Variants in ZSCAN18 observed in about 807,000 individuals in gnomAD.
ZSCAN18 encodes the protein zinc finger and SCAN domain-containing protein 18.
A neutral mutation model predicts 31.1 loss-of-function variants in ZSCAN18; 16 were observed. That is an observed-to-expected ratio of 0.51 (90% CI 0.35 to 0.78). ZSCAN18 has a LOEUF of 0.78. Among genes scored for constraint, ZSCAN18 ranks in the 30% least tolerant of loss-of-function variants. The pLI is 0.01. For synonymous variants in ZSCAN18, 375 were observed against 320.7 expected, an observed-to-expected ratio of 1.17 and a Z score of -1.81; for missense variants, 731 against 697.4, an observed-to-expected ratio of 1.05 and a Z score of -0.54.
intron 1 of ZSCAN18, chr19:58,107,794 C>G: frequency 1.0e-6 from 1 of 992,884 alleles, no homozygotes; most frequent in Non-Finnish European, 1.2e-6. Flanking sequence ...TGGTTTCTAG[C>G]GAGAGCACAG....
intron 1 of ZSCAN18, 107 bp downstream of exon 1, chr19:58,098,067 G>C (rs1474216790): frequency 9.1e-6 from 9 of 985,450 alleles, no homozygotes; most frequent in Non-Finnish European, 9.6e-6. Flanking sequence ...CCAACCCCGG[G>C]AACACCCTGG....
chr19:58,099,964 G>GTT (rs55769261), upstream of ZSCAN18, among the ~76,000 whole-genome samples: 22,782 of 135,894 alleles, frequency 0.17, 2,228 homozygotes, highest in Admixed American at 0.21. Context: ...TGAAAGCTAT[G>GTT]TTTTTTTTTT....
intron 1 of ZSCAN18, among the ~76,000 whole-genome samples, chr19:58,114,085 T>C (rs1252376698): frequency 6.6e-6 from 1 of 151,822 alleles, no homozygotes; most frequent in African/African-American, 2.4e-5. Context: ...CTGGCCAACA[T>C]AGTGAAACCC....
At chr19:58,114,568 C>T in intron 1 of ZSCAN18, among the ~76,000 whole-genome samples, 1 of 152,018 alleles carries the variant, frequency 6.6e-6, no homozygotes. Context: ...AATATATACA[C>T]AATATACACA....
chr19:58,101,850 T>A (rs187011586), upstream of ZSCAN18, among the ~76,000 whole-genome samples: 1 of 151,826 alleles, frequency 6.6e-6, no homozygotes, highest in Admixed American at 6.6e-5. Flanking sequence ...TGAGACAGAA[T>A]CTCACTCCTA....
chr19:58,118,133 C>T (rs556535584), intron 1 of ZSCAN18: 12 of 428,988 alleles, frequency 2.8e-5, no homozygotes, highest in African/African-American at 2.3e-4. Flanking sequence ...TCACGCCCGC[C>T]CCGCCGGGAA....
chr19:58,085,770 G>C (rs1038005435), intron 6 of ZSCAN18: 1 of 316,946 alleles, frequency 3.2e-6, no homozygotes, highest in Non-Finnish European at 5.8e-6. Flanking sequence ...CCAGCGAAGA[G>C]AGTGGGGTCA....
intron 3 of ZSCAN18, 34 bp downstream of exon 3, chr19:58,088,654 C>G: frequency 6.3e-7 from 1 of 1,598,456 alleles, no homozygotes; most frequent in Non-Finnish European, 8.5e-7. Context: ...CACCTAAGGC[C>G]CAGCAGAGGC....
upstream of ZSCAN18, among the ~76,000 whole-genome samples, chr19:58,100,691 A>G (rs2074585582): frequency 2.0e-5 from 1 of 50,454 alleles, no homozygotes. Flanking sequence ...GCGGATCACG[A>G]GGTCAACATG....
chr19:58,089,630 T>C (rs2074369698), intron 2 of ZSCAN18, among the ~76,000 whole-genome samples: 1 of 151,790 alleles, frequency 6.6e-6, no homozygotes, highest in African/African-American at 2.4e-5. Context: ...GTCTCAAAAA[T>C]AAATAAATAA....
Position 58,090,543 on chromosome 19 carries a change from G to A in ZSCAN18, c.-119-157C>T, listed in dbSNP as rs1037946893. ...AGAACCTCAGTGTTGTACTCATGTA[G>A]ATAAAAAGTAGCATGTAAATGGAGG... is the stretch of plus-strand genomic sequence containing the variant. On this transcript the variant is annotated intron_variant, in intron 1 of 6. Coordinates refer to ENST00000601144, the MANE Select transcript of ZSCAN18 (RefSeq NM_001145543.2). This position sits in a 1 kb window ranked among gnomAD's most constrained non-coding sequence, Gnocchi z 4.7. 5.0e-6 allele frequency: 3 copies of A among 601,656 alleles called. No individual in the cohort carries two copies. Among genetic ancestry groups the A allele is most frequent in the African/African-American group, 1.9e-5 (1 of 53,728 alleles). The allele number at this position is 601,656 out of a possible 1,614,324, so 37.3% of individuals were successfully genotyped here. A position where few individuals can be genotyped will look rare whatever the true frequency, so the allele number is the denominator to read the frequency against.
At chr19:58,098,499 G>A (rs1308757240), upstream of ZSCAN18, 3 of 571,254 alleles carry the variant, frequency 5.3e-6, no homozygotes, top group African/African-American at 4.1e-5. Context: ...GTGAGAAACG[G>A]AGAAACAAAG....
At position 58,085,051 on chromosome 19, in the gene ZSCAN18, G is replaced by T. The variant is rs760366469; in HGVS notation, c.1167C>A (p.Gly389=). 5.6e-6 allele frequency: 9 copies of T among 1,597,448 alleles called. No individual in the cohort carries two copies. Among genetic ancestry groups the T allele is most frequent in the African/African-American group, 2.7e-5 (2 of 74,466 alleles). ...GCCCGGCCTCCAGCCCTGCGCTGTCGCCGGAGCTAGAGACGCCCTCGAGGC... is the reference window on the plus strand; with the variant it reads ...GCCCGGCCTCCAGCCCTGCGCTGTCTCCGGAGCTAGAGACGCCCTCGAGGC... ...GQSLEGVSSS[G]DSAGLEAGQG... The change falls in exon 7 of 7, where the codon GGC becomes GGA. Residue 389 remains glycine (G), a synonymous_variant. Transcript: ENST00000601144.
chr19:58,117,713 C>A (rs1284191716), intron 1 of ZSCAN18, among the ~76,000 whole-genome samples: 1 of 80,844 alleles, frequency 1.2e-5, no homozygotes, highest in African/African-American at 3.8e-5. Context: ...CCATCTGTGC[C>A]CGCAGGAAAA....
chr19:58,095,010 T>C (rs2074493814), intron 1 of ZSCAN18, among the ~76,000 whole-genome samples: 1 of 152,118 alleles, frequency 6.6e-6, no homozygotes, highest in Non-Finnish European at 1.5e-5. Context: ...TGAGCTATGT[T>C]TGTGCCACTG....
At chr19:58,095,862 G>A (rs73941506) in intron 1 of ZSCAN18, among the ~76,000 whole-genome samples, 1,713 of 152,278 alleles carry the variant, frequency 0.011, 42 homozygotes, top group African/African-American at 0.038. Context: ...AAGCTTCCAT[G>A]GAACCAGGGG....
At position 58,085,138 on chromosome 19, in the gene ZSCAN18, C is replaced by T. The variant is rs139950426; in HGVS notation, c.1080G>A (p.Pro360=). The T allele has an allele frequency of 9.3e-5, 150 of 1,610,120 alleles. 1 individual carries two copies. Among genetic ancestry groups the T allele is most frequent in the South Asian group, 7.1e-4 (64 of 90,754 alleles). ...QRQSVIQQPA[P]DRGTAKLGTK... ...TTCCCAGTTTCGCCGTGCCCCTGTC[C>T]GGGGCAGGCTGCTGGATGACGGACT... The change falls in exon 7 of 7, where the codon CCG becomes CCA. Residue 360 remains proline, a synonymous_variant. Coordinates refer to ENST00000601144, the MANE Select transcript of ZSCAN18 (RefSeq NM_001145543.2).
In ZSCAN18 at chr19:58,109,078, G is replaced by A. The variant is rs532234714; in HGVS notation, c.130+9189C>T. 5.6e-5 allele frequency: 69 copies of A among 1,226,654 alleles called. No individual in the cohort carries two copies. In the African/African-American group the frequency reaches 9.9e-4, roughly 18 times the overall value. The allele number at this position is 1,226,654 out of a possible 1,614,324, so 76.0% of individuals were successfully genotyped here. On this transcript the variant is annotated intron_variant, in intron 1 of 1. Coordinates refer to the ZSCAN18 transcript ENST00000595721. ...GACCACAATGGTCATGGTGACCACA[G>A]CCCCTCATAGATGCTCTGGGTCCTT...
At chr19:58,110,062 G>A (rs544388640) in intron 1 of ZSCAN18, among the ~76,000 whole-genome samples, 8 of 152,100 alleles carry the variant, frequency 5.3e-5, no homozygotes, top group African/African-American at 1.7e-4. Context: ...ATTATTTTTT[G>A]TAGAGACAAG....
Sources: allele counts gnomAD v4.1 joint callset (sites outside exome capture counted in the v4.1 genomes callset), GRCh38; gene constraint gnomAD v4.1.1; non-coding constraint Gnocchi (gnomAD v3.1); transcripts MANE v1.5; gene names NCBI Gene and HGNC (gene_info 2026-07-23, HGNC 2026-07-21).